The following NRG3 variants were observed in gnomAD, a reference collection of about 807,000 sequenced individuals.
NRG3 encodes neuregulin 3, also known as pro-neuregulin-3, membrane-bound isoform.
NRG3 carries 31 observed loss-of-function variants against 66.9 expected under a neutral mutation model. That is an observed-to-expected ratio of 0.46 (90% confidence interval 0.35 to 0.63). NRG3 has a LOEUF of 0.63. Ranked by LOEUF, NRG3 falls within the 20% of genes least tolerant of loss-of-function variation. The probability of loss-of-function intolerance (pLI) is 0.00; values close to 1 mark genes in which losing one functional copy is unlikely to be tolerated. For synonymous variants in NRG3, 393 were observed against 359.4 expected (o/e 1.09, Z -1.06); for missense variants, 910 against 878.9 (o/e 1.04, Z -0.45).
At chr10:81,994,268 C>T (rs186130412) in intron 1 of NRG3, among the ~76,000 whole-genome samples, 4 of 152,060 alleles carry the variant, frequency 2.6e-5, no homozygotes, top group Admixed American at 1.3e-4. Flanking sequence ...CTTTTTATGC[C>T]TCTTGGATTT....
intron 1 of NRG3, among the ~76,000 whole-genome samples, chr10:82,217,352 G>T (rs2133727350): frequency 6.6e-6 from 1 of 152,210 alleles, no homozygotes; most frequent in Non-Finnish European, 1.5e-5. Context: ...TCCAATATTT[G>T]TTCTCCTGAC....
At chr10:82,634,185 A>C (rs1296019648) in intron 2 of NRG3, among the ~76,000 whole-genome samples, 2 of 152,176 alleles carry the variant, frequency 1.3e-5, no homozygotes, top group Non-Finnish European at 2.9e-5. Context: ...GCCATGTTCA[A>C]GGTAAAAGTG....
chr10:82,756,594 T>C (rs930592636), intron 3 of NRG3, among the ~76,000 whole-genome samples: 1 of 152,026 alleles, frequency 6.6e-6, no homozygotes, highest in Non-Finnish European at 1.5e-5. Context: ...CTTTTCAGAG[T>C]GGAGAAAGAA....
At chr10:82,923,587 T>C (rs1846671678) in intron 4 of NRG3, among the ~76,000 whole-genome samples, 1 of 152,230 alleles carries the variant, frequency 6.6e-6, no homozygotes, top group African/African-American at 2.4e-5. Flanking sequence ...GAATTATTAA[T>C]GCATGAATAA....
Position 82,943,721 on chromosome 10 carries a change from T to C in NRG3, c.1055-7748T>C, listed in dbSNP as rs181783736. Among the ~76,000 whole-genome samples the C allele has an allele frequency of 2.7e-4, 41 of 152,302 alleles. No homozygotes were observed. The East Asian group carries it at 7.5e-3, about 28-fold the overall frequency. On this transcript the variant is annotated intron_variant, in intron 4 of 8. Transcript: ENST00000372141. ...CATGCTAATGTCCTCTGAAAACATCTACACAGACATACCCCAAAATAATGC... is the reference window on the plus strand; with the variant it reads ...CATGCTAATGTCCTCTGAAAACATCCACACAGACATACCCCAAAATAATGC...
intron 2 of NRG3, among the ~76,000 whole-genome samples, chr10:82,652,813 C>A (rs604482): frequency 0.12 from 17,740 of 152,152 alleles, 1,188 homozygotes; most frequent in Non-Finnish European, 0.13. Flanking sequence ...TGAGCCACAG[C>A]CACTCAGTTC....
intron 2 of NRG3, among the ~76,000 whole-genome samples, chr10:82,521,962 C>T (rs894154315): frequency 4.0e-5 from 6 of 151,508 alleles, no homozygotes; most frequent in African/African-American, 1.5e-4. Context: ...GACATTCAGT[C>T]TCATCTTCAG....
At chr10:82,469,547 C>T (rs1692010579) in intron 2 of NRG3, among the ~76,000 whole-genome samples, 1 of 152,092 alleles carries the variant, frequency 6.6e-6, no homozygotes, top group Non-Finnish European at 1.5e-5. Context: ...CTGACAAAGA[C>T]GTACAGTTCA....
At chr10:82,641,193 A>T (rs1324283532) in intron 2 of NRG3, among the ~76,000 whole-genome samples, 3 of 152,134 alleles carry the variant, frequency 2.0e-5, no homozygotes, top group African/African-American at 7.2e-5. Flanking sequence ...TTAAAAATAC[A>T]GATACATATA....
intron 1 of NRG3, among the ~76,000 whole-genome samples, chr10:82,205,440 C>G (rs373241012): frequency 6.6e-6 from 1 of 152,068 alleles, no homozygotes; most frequent in East Asian, 1.9e-4. Flanking sequence ...CTCCAGATTA[C>G]GTCCACGAAT....
intron 1 of NRG3, among the ~76,000 whole-genome samples, chr10:81,961,390 G>A (rs529744504): frequency 6.6e-6 from 1 of 152,232 alleles, no homozygotes; most frequent in Non-Finnish European, 1.5e-5. Flanking sequence ...TTGAGGACAG[G>A]GAGATCTTCT....
At chr10:81,917,300 C>T (rs1228334999) in intron 1 of NRG3, among the ~76,000 whole-genome samples, 1 of 152,180 alleles carries the variant, frequency 6.6e-6, no homozygotes, top group East Asian at 1.9e-4. Flanking sequence ...AAACAATTTA[C>T]ACATCTCTTG....
intron 1 of NRG3, among the ~76,000 whole-genome samples, chr10:82,257,956 T>C (rs2077820942): frequency 6.6e-6 from 1 of 152,176 alleles, no homozygotes; most frequent in South Asian, 2.1e-4. Context: ...TGGATAACTC[T>C]CTCCTCCTTG....
At chr10:82,335,465 C>T (rs996435799) in intron 1 of NRG3, among the ~76,000 whole-genome samples, 2 of 152,108 alleles carry the variant, frequency 1.3e-5, no homozygotes, top group African/African-American at 4.8e-5. Context: ...TTCTCATTGA[C>T]AGGTAGGTAC....
At chr10:82,133,689 C>G (rs1206374658) in intron 1 of NRG3, among the ~76,000 whole-genome samples, 1 of 151,998 alleles carries the variant, frequency 6.6e-6, no homozygotes, top group African/African-American at 2.4e-5. Context: ...GATTCCATGT[C>G]TTTGCTATTG....
At chr10:82,872,848 A>G (rs1361917513) in intron 4 of NRG3, among the ~76,000 whole-genome samples, 2 of 152,114 alleles carry the variant, frequency 1.3e-5, no homozygotes, top group African/African-American at 4.8e-5. Context: ...TAGTAATGCC[A>G]TAGTGCAAAT....
intron 2 of NRG3, among the ~76,000 whole-genome samples, chr10:82,376,427 G>A (rs985900625): frequency 3.9e-5 from 6 of 152,088 alleles, no homozygotes; most frequent in East Asian, 1.9e-4. Flanking sequence ...TTTGGGTTTC[G>A]TTTATTTATG....
intron 2 of NRG3, among the ~76,000 whole-genome samples, chr10:82,503,994 CT>C (rs1446959617): frequency 6.6e-6 from 1 of 152,190 alleles, no homozygotes; most frequent in Non-Finnish European, 1.5e-5. Flanking sequence ...GCCACTCTTA[CT>C]TCTCAGTTTG....
chr10:82,091,576 G>C (rs1239334372), intron 1 of NRG3, among the ~76,000 whole-genome samples: 1 of 152,076 alleles, frequency 6.6e-6, no homozygotes, highest in Non-Finnish European at 1.5e-5. Flanking sequence ...TAGTTGATTT[G>C]GTTGCCTCTG....
Sources: allele counts gnomAD v4.1 joint callset (sites outside exome capture counted in the v4.1 genomes callset), GRCh38; gene constraint gnomAD v4.1.1; transcripts MANE v1.5; gene names NCBI Gene and HGNC (gene_info 2026-07-23, HGNC 2026-07-21).